The following FRRS1L variants were observed in gnomAD, a reference collection of about 807,000 sequenced individuals.
FRRS1L encodes ferric chelate reductase 1 like.
In FRRS1L, 22 loss-of-function variants were observed where a neutral mutation model predicts 28.6. The ratio of observed to expected loss-of-function variants is 0.77; its 90% CI spans 0.55 to 1.10. FRRS1L has a LOEUF of 1.10. FRRS1L is among the 50% of genes least tolerant of loss of function. The probability of loss-of-function intolerance (pLI) is 0.00; values close to 1 mark genes in which losing one functional copy is unlikely to be tolerated. For synonymous variants in FRRS1L, 158 were observed against 151.4 expected (o/e 1.04, Z -0.32); for missense variants, 380 against 386.9 (o/e 0.98, Z 0.15).
intron 1 of FRRS1L, among the ~76,000 whole-genome samples, chr9:109,154,955 T>C (rs1190256723): frequency 6.6e-6 from 1 of 152,222 alleles, no homozygotes; most frequent in African/African-American, 2.4e-5. Context: ...AAGTTTTTCA[T>C]ATTCCCAAGA....
At chr9:109,160,474 C>G (rs1831467619) in intron 1 of FRRS1L, among the ~76,000 whole-genome samples, 1 of 25,104 alleles carries the variant, frequency 4.0e-5, no homozygotes, top group African/African-American at 1.3e-4. Flanking sequence ...ACAGCCTCGA[C>G]CTCCTAGGCT....
At chr9:109,163,224 TA>T (rs1221701741) in intron 1 of FRRS1L, among the ~76,000 whole-genome samples, 1 of 152,188 alleles carries the variant, frequency 6.6e-6, no homozygotes, top group Non-Finnish European at 1.5e-5. Context: ...TTGCTCTGAA[TA>T]TATAGACTCT....
chr9:109,144,511 C>T (rs1385743642), intron 3 of FRRS1L, among the ~76,000 whole-genome samples: 2 of 151,856 alleles, frequency 1.3e-5, no homozygotes, highest in Non-Finnish European at 2.9e-5. Flanking sequence ...ATTACAGGCA[C>T]CTGCCACCAT....
chr9:109,138,228 A>T (rs1490358962), intron 4 of FRRS1L: 1 of 152,220 alleles, frequency 6.6e-6, no homozygotes, highest in Non-Finnish European at 1.5e-5. Context: ...TGTCTGGCAG[A>T]TTAGGGTAGA....
chr9:109,162,075 G>C (rs747265044), intron 1 of FRRS1L, among the ~76,000 whole-genome samples: 1 of 152,160 alleles, frequency 6.6e-6, no homozygotes, highest in Non-Finnish European at 1.5e-5. Flanking sequence ...CAGCACTTTG[G>C]GGGGCCAAGG....
chr9:109,159,498 T>C (rs1245428141), intron 1 of FRRS1L, among the ~76,000 whole-genome samples: 1 of 151,968 alleles, frequency 6.6e-6, no homozygotes, highest in Non-Finnish European at 1.5e-5. Flanking sequence ...AACCCTGTCT[T>C]TACTAAAAAT....
At chr9:109,155,578 C>A (rs997367681) in intron 1 of FRRS1L, among the ~76,000 whole-genome samples, 1 of 151,874 alleles carries the variant, frequency 6.6e-6, no homozygotes, top group Non-Finnish European at 1.5e-5. Context: ...AAAAAGCACA[C>A]CTGTAGTCCT....
rs773837729 is a variant in FRRS1L at position 109,137,138 on chromosome 9, T to G, written c.*317A>C. 8.2e-5 allele frequency: 14 copies of G among 171,722 alleles called. No individual in the cohort carries two copies. Among genetic ancestry groups the G allele is most frequent in the Non-Finnish European group, 1.1e-4 (9 of 80,832 alleles). The allele number at this position is 171,722 out of a possible 1,614,324, so 10.6% of individuals were successfully genotyped here. On this transcript the variant is annotated 3_prime_UTR_variant, in exon 5 of 5. Transcript: ENST00000561981. ...GTGGATCATAAAAAGGCAGTCTTTT[T>G]GGGTCTCAAATCCCATTCAGGAAGA...
rs997302183 is a variant in FRRS1L, at chr9:109,130,925, C to G, written c.*6530G>C. The G allele has an allele frequency of 1.3e-5, 2 of 152,176 alleles. No individual in the cohort carries two copies. Among genetic ancestry groups the G allele is most frequent in the Non-Finnish European group, 2.9e-5 (2 of 68,040 alleles). 9.4% of individuals were successfully genotyped at this position (152,176 alleles called of 1,614,324 possible). On this transcript the variant is annotated 3_prime_UTR_variant, in exon 5 of 5. Transcript: ENST00000561981. Reference sequence around the variant, plus strand: ...AACCAAATGGCTATCAGCCTAATAGCAAATATCCAGGGGAAAACTGAACAC... The same window carrying G: ...AACCAAATGGCTATCAGCCTAATAGGAAATATCCAGGGGAAAACTGAACAC...
At chr9:109,164,650 C>G (rs1051642159) in intron 1 of FRRS1L, among the ~76,000 whole-genome samples, 1 of 152,176 alleles carries the variant, frequency 6.6e-6, no homozygotes, top group African/African-American at 2.4e-5. Flanking sequence ...CCCACCTCAG[C>G]CTCCCAAAGT....
intron 1 of FRRS1L, among the ~76,000 whole-genome samples, chr9:109,162,557 T>C: frequency 6.6e-6 from 1 of 152,228 alleles, no homozygotes; most frequent in East Asian, 1.9e-4. Flanking sequence ...TAACTCACAG[T>C]GTTGCTATAA....
At chr9:109,161,422 T>C (rs996704532) in intron 1 of FRRS1L, among the ~76,000 whole-genome samples, 5 of 152,212 alleles carry the variant, frequency 3.3e-5, no homozygotes, top group Admixed American at 6.5e-5. Context: ...TCTGCTGACA[T>C]GGACTCTATA....
intron 1 of FRRS1L, chr9:109,151,827 G>C (rs2118492386): frequency 6.6e-6 from 1 of 152,668 alleles, no homozygotes; most frequent in African/African-American, 2.4e-5. Flanking sequence ...GTTTTTTTCT[G>C]AATAGTTATT....
At chr9:109,145,149 C>T (rs944405782) in intron 3 of FRRS1L, among the ~76,000 whole-genome samples, 2 of 152,166 alleles carry the variant, frequency 1.3e-5, no homozygotes, top group Non-Finnish European at 2.9e-5. Context: ...AGTTTGGGAA[C>T]AAGCCTGGCC....
chr9:109,162,803 CTGCCCTTTGCCCCA>C lies in FRRS1L; in HGVS notation c.238+4084_238+4097del, dbSNP rs1488152212. ...AGGATATAGGAAGATGACTAAACTT[CTGCCCTTTGCCCCA>C]TGTTCTGTCCTTCTTTCTACCTCTC... On this transcript the variant is annotated intron_variant, in intron 1 of 4. Transcript: ENST00000561981. 2.6e-5 allele frequency among the ~76,000 whole-genome samples: 4 copies of C among 152,250 alleles called. No homozygotes were observed. In the South Asian group the frequency reaches 8.3e-4, roughly 32 times the overall value.
At chr9:109,157,109 AT>A (rs1254351796) in intron 1 of FRRS1L, among the ~76,000 whole-genome samples, 1 of 151,862 alleles carries the variant, frequency 6.6e-6, no homozygotes, top group African/African-American at 2.4e-5. Context: ...TTTCTTTATG[AT>A]TTTTCTCCTT....
intron 3 of FRRS1L, among the ~76,000 whole-genome samples, chr9:109,145,799 C>G (rs535170154): frequency 8.1e-4 from 124 of 152,274 alleles, no homozygotes; most frequent in African/African-American, 2.9e-3. Flanking sequence ...GTAGCACACC[C>G]AACAGGGTGT....
At chr9:109,147,268 T>A (rs1393677627) in intron 2 of FRRS1L, 79 bp from the exon 3 acceptor site, 3 of 1,179,156 alleles carry the variant, frequency 2.5e-6, no homozygotes, top group African/African-American at 3.0e-5. Context: ...ATGTATCATG[T>A]GGGATGCTAA....
Position 109,159,434 on chromosome 9 carries a change from AGG to A in FRRS1L, c.238+7465_238+7466del, listed in dbSNP as rs1831453681. Among the ~76,000 whole-genome samples the A allele has an allele frequency of 2.6e-5, 4 of 152,260 alleles. No individual in the cohort carries two copies. The East Asian group carries it at 7.7e-4, about 29-fold the overall frequency. On this transcript the variant is annotated intron_variant, in intron 1 of 4. Coordinates refer to ENST00000561981, the MANE Select transcript of FRRS1L (RefSeq NM_014334.4). ...ACCTGTAATCCCAGCACTCTGGCCA[AGG>A]TGGGTGGATCACGAGGTCAGGGGTT...
Sources: allele counts gnomAD v4.1 joint callset (sites outside exome capture counted in the v4.1 genomes callset), GRCh38; gene constraint gnomAD v4.1.1; transcripts MANE v1.5; gene names NCBI Gene and HGNC (gene_info 2026-07-23, HGNC 2026-07-21).